OTUD7A: variants seen among roughly 807,000 people sequenced by gnomAD.
OTUD7A encodes OTU deubiquitinase 7A, also known as OTU domain-containing protein 7A.
Under a neutral mutation model 65.7 loss-of-function variants are expected in OTUD7A, and 12 were observed. The observed-to-expected ratio is 0.18, with a 90% confidence interval of 0.12 to 0.30. OTUD7A has a LOEUF of 0.30. Ranked by LOEUF, OTUD7A falls within the 10% of genes least tolerant of loss-of-function variation. The pLI, the probability that OTUD7A is intolerant of heterozygous loss-of-function variation, is 1.00. For missense variants in OTUD7A, 1,148 were observed against 1,304.8 expected (o/e 0.88, Z 1.85); for synonymous variants, 641 against 586.3 (o/e 1.09, Z -1.35).
rs572507301 is a variant in OTUD7A, at chr15:31,822,718, C to T, written c.-100+47789G>A. On this transcript the variant is annotated intron_variant, in intron 1 of 12. Coordinates refer to ENST00000307050, the MANE Select transcript of OTUD7A (RefSeq NM_001382637.1). ...TAAGAGAGATCAGCAATTGTAGAGC[C>T]TGAAGAGACTTCATCTCTAATCCAG... is the stretch of plus-strand genomic sequence containing the variant. 3.2e-4 allele frequency among the ~76,000 whole-genome samples: 49 copies of T among 152,306 alleles called. 2 individuals carry two copies. Among genetic ancestry groups the T allele is most frequent in the Admixed American group, 3.0e-3 (46 of 15,302 alleles).
chr15:31,751,903 G>C (rs1894647226), intron 1 of OTUD7A, among the ~76,000 whole-genome samples: 1 of 152,136 alleles, frequency 6.6e-6, no homozygotes, highest in African/African-American at 2.4e-5. Flanking sequence ...AGGAAGAGAA[G>C]GAGAGAGGGG....
intron 1 of OTUD7A, among the ~76,000 whole-genome samples, chr15:31,719,461 A>T (rs1893676934): frequency 2.0e-5 from 3 of 152,020 alleles, no homozygotes; most frequent in Admixed American, 1.3e-4. Context: ...AAGATGCAGG[A>T]GTCAACTTTA....
chr15:31,850,259 A>C (rs1182005234), intron 1 of OTUD7A, among the ~76,000 whole-genome samples: 5 of 152,240 alleles, frequency 3.3e-5, no homozygotes, highest in Non-Finnish European at 7.3e-5. Context: ...TGTTCTTTGT[A>C]GGGACACAGA....
At chr15:31,612,666 C>T (rs892116051) in intron 3 of OTUD7A, among the ~76,000 whole-genome samples, 15 of 152,166 alleles carry the variant, frequency 9.9e-5, no homozygotes, top group African/African-American at 2.4e-4. Flanking sequence ...AATGGAAACA[C>T]GTCCCATGCT....
chr15:31,592,804 C>T (rs745402399), intron 3 of OTUD7A, among the ~76,000 whole-genome samples: 7 of 138,434 alleles, frequency 5.1e-5, no homozygotes, highest in Non-Finnish European at 9.1e-5. Flanking sequence ...GGCGTGAACC[C>T]AGGAGGCGGC....
chr15:31,605,913 A>T (rs1267314543), intron 3 of OTUD7A, among the ~76,000 whole-genome samples: 1 of 152,212 alleles, frequency 6.6e-6, no homozygotes, highest in African/African-American at 2.4e-5. Flanking sequence ...CATTCTAACC[A>T]GTGAACCATT....
intron 1 of OTUD7A, among the ~76,000 whole-genome samples, chr15:31,699,398 T>G (rs570764566): frequency 0.014 from 2,113 of 152,264 alleles, 58 homozygotes; most frequent in African/African-American, 0.049. Context: ...GTTTTTACCC[T>G]TGGGTCCGAG....
intron 3 of OTUD7A, among the ~76,000 whole-genome samples, chr15:31,612,993 T>C (rs1224897568): frequency 6.6e-6 from 1 of 151,990 alleles, no homozygotes; most frequent in East Asian, 1.9e-4. Flanking sequence ...TAAGCCCAAA[T>C]ACTTACAGCC....
intron 3 of OTUD7A, among the ~76,000 whole-genome samples, chr15:31,604,386 T>C (rs888237402): frequency 5.3e-5 from 8 of 151,488 alleles, no homozygotes; most frequent in Admixed American, 1.3e-4. Flanking sequence ...TAAGTGGGAG[T>C]TGAACAATGA....
chr15:31,516,991 G>A (rs900749523), intron 8 of OTUD7A, among the ~76,000 whole-genome samples: 1 of 152,146 alleles, frequency 6.6e-6, no homozygotes, highest in Non-Finnish European at 1.5e-5. Flanking sequence ...AGACGCCAAG[G>A]AGAACACAAG....
chr15:31,861,996 C>T (rs1897754319), intron 1 of OTUD7A, among the ~76,000 whole-genome samples: 1 of 152,142 alleles, frequency 6.6e-6, no homozygotes, highest in South Asian at 2.1e-4. Context: ...CTAGGCTCTG[C>T]AAGGGAATAT....
At chr15:31,544,714 C>T (rs1327230409) in intron 5 of OTUD7A, among the ~76,000 whole-genome samples, 5 of 151,772 alleles carry the variant, frequency 3.3e-5, no homozygotes, top group East Asian at 1.9e-4. Context: ...TCTTAACACA[C>T]CCTGTTCAAT....
chr15:31,503,280 A>C (rs1171614541), intron 9 of OTUD7A, among the ~76,000 whole-genome samples: 4 of 151,750 alleles, frequency 2.6e-5, no homozygotes, highest in African/African-American at 9.8e-5. Flanking sequence ...GACTCTATGC[A>C]TTCTGTCTTC....
chr15:31,526,515 C>G, intron 7 of OTUD7A, 54 bp from the exon 8 acceptor site: 1 of 1,387,786 alleles, frequency 7.2e-7, no homozygotes, highest in Non-Finnish European at 9.7e-7. Context: ...GCGCTGCCCT[C>G]CTCTCCTCAC....
intron 1 of OTUD7A, among the ~76,000 whole-genome samples, chr15:31,738,494 C>T (rs10519680): frequency 0.03 from 4,614 of 152,198 alleles, 129 homozygotes; most frequent in African/African-American, 0.066. Context: ...TGGAGCAATC[C>T]CATAGTTTCC....
At chr15:31,798,335 G>A (rs1269306332) in intron 1 of OTUD7A, among the ~76,000 whole-genome samples, 1 of 152,122 alleles carries the variant, frequency 6.6e-6, no homozygotes, top group Admixed American at 6.5e-5. Context: ...CTGCTGTCCT[G>A]CATACAGTTC....
At chr15:31,621,518 G>A in intron 3 of OTUD7A, among the ~76,000 whole-genome samples, 1 of 152,120 alleles carries the variant, frequency 6.6e-6, no homozygotes, top group Admixed American at 6.6e-5. Context: ...TTACCATTAT[G>A]TAATGGCCTT....
At chr15:31,731,575 A>AG (rs1356746669) in intron 1 of OTUD7A, among the ~76,000 whole-genome samples, 1 of 152,246 alleles carries the variant, frequency 6.6e-6, no homozygotes, top group Non-Finnish European at 1.5e-5. Context: ...GGTGGAGCAC[A>AG]GAGGATTTTA....
chr15:31,498,970 C>T lies in OTUD7A; in HGVS notation c.1171+2720G>A, dbSNP rs942186654. Among the ~76,000 whole-genome samples the T allele has an allele frequency of 9.2e-5, 14 of 152,136 alleles. No homozygotes were observed. Among genetic ancestry groups the T allele is most frequent in the African/African-American group, 2.9e-4 (12 of 41,424 alleles). On this transcript the variant is annotated intron_variant, in intron 10 of 12. Transcript: ENST00000307050. This position sits in a 1 kb window ranked among gnomAD's most constrained non-coding sequence, Gnocchi z 4.2. Reference sequence around the variant, plus strand: ...TCCTGAACTTGAAGATGGTCAGTGGCGGCATCAGCAGTAGCCGGGCCACGG... The same window carrying T: ...TCCTGAACTTGAAGATGGTCAGTGGTGGCATCAGCAGTAGCCGGGCCACGG...
Sources: gnomAD v4.1 joint callset for allele counts (sites outside exome capture counted in the v4.1 genomes callset) on GRCh38, gnomAD v4.1.1 for gene constraint, Gnocchi (gnomAD v3.1) non-coding constraint, MANE v1.5 for transcripts, NCBI Gene and HGNC (gene_info 2026-07-23, HGNC 2026-07-21) for gene names.